TBCE: variants seen among roughly 807,000 people sequenced by gnomAD.
TBCE encodes tubulin folding cofactor E.
In TBCE, 53 loss-of-function variants were observed where a neutral mutation model predicts 77.0. That is an observed-to-expected ratio of 0.69 (90% CI 0.55 to 0.87). TBCE has a LOEUF of 0.87. Ranked by LOEUF, TBCE falls within the 40% of genes least tolerant of loss-of-function variation. TBCE has a pLI of 0.00. For synonymous variants in TBCE, 235 were observed against 241.3 expected (o/e 0.97, Z 0.24); for missense variants, 624 against 622.4 (o/e 1.00, Z -0.03).
chr1:235,431,572 G>A lies in TBCE; in HGVS notation c.660+768G>A, dbSNP rs182893842. On this transcript the variant is annotated intron_variant, in intron 7 of 16. Coordinates refer to ENST00000642610, the MANE Select transcript of TBCE (RefSeq NM_003193.5). ...GACATGGTTTCTCCATGTTGGTCAG[G>A]CTGGTCTCGAACTCCTGACCTCAAG... Among the ~76,000 whole-genome samples, 346 of 152,046 alleles carry A rather than the reference G, an allele frequency of 2.3e-3. 1 individual carries two copies. Among genetic ancestry groups the A allele is most frequent in the African/African-American group, 7.9e-3 (326 of 41,462 alleles).
chr1:235,379,624 T>C (rs1014679621), intron 1 of TBCE, among the ~76,000 whole-genome samples: 4 of 151,964 alleles, frequency 2.6e-5, no homozygotes, highest in African/African-American at 7.2e-5. Flanking sequence ...ATAGGCACTT[T>C]AAGTATACTG....
intron 1 of TBCE, among the ~76,000 whole-genome samples, chr1:235,370,550 A>ATTT (rs34144462): frequency 7.7e-6 from 1 of 129,684 alleles, no homozygotes; most frequent in Non-Finnish European, 1.7e-5. Context: ...TGCACCCGGC[A>ATTT]TTTTTTTTTT....
intron 2 of TBCE, among the ~76,000 whole-genome samples, chr1:235,381,552 C>T (rs1044019804): frequency 2.0e-5 from 3 of 151,532 alleles, no homozygotes; most frequent in African/African-American, 4.8e-5. Context: ...GATGTGGTGG[C>T]GGGCACCTGT....
intron 3 of TBCE, among the ~76,000 whole-genome samples, chr1:235,403,931 G>A (rs769341418): frequency 1.3e-5 from 2 of 152,172 alleles, no homozygotes; most frequent in Non-Finnish European, 2.9e-5. Flanking sequence ...GAATACTGTA[G>A]GCAATTGTAA....
At chr1:235,435,673 G>T in intron 8 of TBCE, 72 bp from the exon 9 acceptor site, 3 of 1,438,726 alleles carry the variant, frequency 2.1e-6, no homozygotes, top group East Asian at 4.5e-5. Context: ...CAAATGCAGG[G>T]ATTTTAAGGC....
chr1:235,392,057 C>T (rs1439791793), intron 2 of TBCE, among the ~76,000 whole-genome samples: 1 of 151,980 alleles, frequency 6.6e-6, no homozygotes, highest in African/African-American at 2.4e-5. Flanking sequence ...TATGGTGGCT[C>T]ATGCCTGTAA....
At chr1:235,420,295 C>T (rs1480260057) in intron 5 of TBCE, among the ~76,000 whole-genome samples, 1 of 151,642 alleles carries the variant, frequency 6.6e-6, no homozygotes, top group Non-Finnish European at 1.5e-5. Context: ...TGCTTCAGCC[C>T]TGGTCTGTTT....
intron 3 of TBCE, among the ~76,000 whole-genome samples, chr1:235,404,732 G>C (rs1191890223): frequency 6.7e-6 from 1 of 149,540 alleles, no homozygotes; most frequent in Non-Finnish European, 1.5e-5. Flanking sequence ...GCAGTGGCAT[G>C]ATCTCAGCTC....
At position 235,437,451 on chromosome 1, in the gene TBCE, C is replaced by T. The variant is rs1403402600; in HGVS notation, c.1093C>T (p.Leu365=). The stretch of plus-strand genomic sequence containing the variant: ...ACTCATTATCGCCAGCATTGGCCAG[C>T]TGAAGACGCTGAACAAATGTGAGGT... ...RLLIIASIGQ[L]KTLNKCEILP... The change falls in exon 12 of 17, where the codon CTG becomes TTG. Residue 365 remains leucine, a synonymous_variant. Coordinates refer to ENST00000642610, the MANE Select transcript of TBCE (RefSeq NM_003193.5). 3 of 1,613,972 alleles carry T rather than the reference C, an allele frequency of 1.9e-6. No homozygotes were observed. In the African/African-American group the frequency reaches 4.0e-5, roughly 22 times the overall value.
At chr1:235,441,742 T>C in intron 13 of TBCE, 72 bp from the exon 14 acceptor site, 1 of 1,397,658 alleles carries the variant, frequency 7.2e-7, no homozygotes, top group Non-Finnish European at 1.0e-6. Context: ...TATCCTTTGT[T>C]TGTTTGTTTG....
chr1:235,389,135 G>C (rs930432612), intron 2 of TBCE, among the ~76,000 whole-genome samples: 8 of 152,216 alleles, frequency 5.3e-5, no homozygotes, highest in Admixed American at 1.3e-4. Context: ...CATATCACTA[G>C]TACAGTAATA....
chr1:235,391,240 A>C (rs1268276087), intron 2 of TBCE, among the ~76,000 whole-genome samples: 1 of 152,104 alleles, frequency 6.6e-6, no homozygotes, highest in Non-Finnish European at 1.5e-5. Flanking sequence ...CTGTAATCCC[A>C]ACACTTTGGG....
In TBCE at chr1:235,436,616, C is replaced by G. The variant is rs199555636; in HGVS notation, c.963+8C>G. The G allele has an allele frequency of 5.2e-5, 84 of 1,611,852 alleles. No individual in the cohort carries two copies. The highest frequency in any genetic ancestry group is 3.3e-4 in the Middle Eastern group (2 of 6,082). On this transcript the variant is annotated splice_region_variant and intron_variant, in intron 11 of 16. Transcript: ENST00000642610. ...GACAATCAGATATCACAAGTAAGAG[C>G]TGCTCGGAGTATGCCCAGCACACTG...
chr1:235,402,671 C>T, intron 3 of TBCE, among the ~76,000 whole-genome samples: 1 of 152,098 alleles, frequency 6.6e-6, no homozygotes, highest in Admixed American at 6.6e-5. Flanking sequence ...CTCGCCTAGA[C>T]TGGAATGCAG....
rs927513743 is a variant in TBCE, at chr1:235,391,986, T to TA, written c.101-9507dup. 5.9e-3 allele frequency among the ~76,000 whole-genome samples: 878 copies of TA among 148,990 alleles called. 8 individuals are homozygous for TA. Among genetic ancestry groups the TA allele is most frequent in the African/African-American group, 0.02 (816 of 40,780 alleles). On this transcript the variant is annotated intron_variant, in intron 2 of 16. Coordinates refer to ENST00000642610, the MANE Select transcript of TBCE (RefSeq NM_003193.5). ...TCCTAAATACTTTACATTGTAATTC[T>TA]AAAAAAAAAATACGTTTTCTTACAA...
intron 4 of TBCE, among the ~76,000 whole-genome samples, chr1:235,418,150 G>A (rs1326916091): frequency 6.6e-6 from 1 of 152,126 alleles, no homozygotes; most frequent in African/African-American, 2.4e-5. Flanking sequence ...TCCACATTGC[G>A]GCATATGTCA....
chr1:235,448,867 T>TACAACTTGTCCTAAGTATAAC lies in TBCE; in HGVS notation c.*107_*127dup, dbSNP rs1682689664. The TACAACTTGTCCTAAGTATAAC allele has an allele frequency of 1.1e-6, 1 of 879,094 alleles. No homozygotes were observed. Among genetic ancestry groups the TACAACTTGTCCTAAGTATAAC allele is most frequent in the Middle Eastern group, 2.1e-4 (1 of 4,676 alleles). 54.5% of individuals were successfully genotyped at this position (879,094 alleles called of 1,614,324 possible). A position where few individuals can be genotyped will look rare whatever the true frequency, so the allele number is the denominator to read the frequency against. Reference sequence around the variant, plus strand: ...TTCTACTGTCAAAACAAAGGGGGTTTACAACTTGTCCTAAGTATAACAAGG... The same window carrying TACAACTTGTCCTAAGTATAAC: ...TTCTACTGTCAAAACAAAGGGGGTTTACAACTTGTCCTAAGTATAACACAACTTGTCCTAAGTATAACAAGG... On this transcript the variant is annotated 3_prime_UTR_variant, in exon 17 of 17. Coordinates refer to ENST00000642610, the MANE Select transcript of TBCE (RefSeq NM_003193.5).
At chr1:235,400,494 G>A (rs1210040362) in intron 2 of TBCE, among the ~76,000 whole-genome samples, 1 of 146,428 alleles carries the variant, frequency 6.8e-6, no homozygotes, top group Admixed American at 7.0e-5. Context: ...TCCGCCTTCC[G>A]GGTTCACGCC....
At chr1:235,422,536 A>G (rs544513395) in intron 5 of TBCE, among the ~76,000 whole-genome samples, 2 of 148,130 alleles carry the variant, frequency 1.4e-5, no homozygotes, top group South Asian at 4.3e-4. Context: ...ACCAAAAAAC[A>G]AAAAACGGGG....
Sources: gnomAD v4.1 joint callset for allele counts (sites outside exome capture counted in the v4.1 genomes callset) on GRCh38, gnomAD v4.1.1 for gene constraint, MANE v1.5 for transcripts, NCBI Gene and HGNC (gene_info 2026-07-23, HGNC 2026-07-21) for gene names.